Variants in CTNNA3 observed in about 807,000 individuals in gnomAD.
CTNNA3 encodes the protein catenin alpha 3.
Under a neutral mutation model 95.7 loss-of-function variants are expected in CTNNA3, and 76 were observed. The ratio of observed to expected loss-of-function variants is 0.79; its 90% confidence interval spans 0.66 to 0.96. The LOEUF is 0.96. Ranked by LOEUF, CTNNA3 falls within the 40% of genes least tolerant of loss-of-function variation. The pLI, the probability that CTNNA3 is intolerant of heterozygous loss-of-function variation, is 0.00. For missense variants in CTNNA3, 1,191 were observed against 1,089.8 expected (o/e 1.09, Z -1.31); for synonymous variants, 431 against 374.4 (o/e 1.15, Z -1.74).
chr10:67,561,125 G>A (rs1284020194), intron 3 of CTNNA3, among the ~76,000 whole-genome samples: 1 of 146,138 alleles, frequency 6.8e-6, no homozygotes, highest in Admixed American at 6.7e-5. Context: ...ACTCAGCTCT[G>A]CATCAAGTGG....
At chr10:66,351,810 A>G (rs2092569104) in intron 12 of CTNNA3, among the ~76,000 whole-genome samples, 1 of 152,012 alleles carries the variant, frequency 6.6e-6, no homozygotes, top group Non-Finnish European at 1.5e-5. Flanking sequence ...GATCTCTCAT[A>G]TACAATTCTG....
chr10:67,561,677 C>A (rs569410207), intron 3 of CTNNA3, among the ~76,000 whole-genome samples: 105 of 151,222 alleles, frequency 6.9e-4, no homozygotes, highest in Admixed American at 5.0e-3. Context: ...AAAAACCCTG[C>A]AAAACAATCA....
chr10:65,948,148 G>A (rs1424722302), intron 17 of CTNNA3, among the ~76,000 whole-genome samples: 1 of 152,006 alleles, frequency 6.6e-6, no homozygotes, highest in African/African-American at 2.4e-5. Flanking sequence ...GGGCGTGGTG[G>A]TGGGCGCCTG....
intron 5 of CTNNA3, among the ~76,000 whole-genome samples, chr10:67,221,948 G>C (rs916091202): frequency 2.0e-5 from 3 of 152,120 alleles, no homozygotes; most frequent in Admixed American, 2.0e-4. Flanking sequence ...AATAGTCTTT[G>C]AGGGAATGAG....
chr10:67,062,429 C>G (rs537456300), intron 7 of CTNNA3, among the ~76,000 whole-genome samples: 1 of 152,254 alleles, frequency 6.6e-6, no homozygotes, highest in East Asian at 1.9e-4. Context: ...TTAGCATTAT[C>G]TCTTAAGTAT....
At chr10:66,663,455 G>T (rs1846332577) in intron 9 of CTNNA3, among the ~76,000 whole-genome samples, 1 of 127,022 alleles carries the variant, frequency 7.9e-6, no homozygotes, top group South Asian at 2.8e-4. Flanking sequence ...CACTTAAAAA[G>T]GTTTTTGCCT....
chr10:66,787,240 G>A (rs1342883170), intron 7 of CTNNA3, among the ~76,000 whole-genome samples: 1 of 151,588 alleles, frequency 6.6e-6, no homozygotes, highest in South Asian at 2.1e-4. Context: ...AAACAGATGT[G>A]TTGATGTCTC....
chr10:66,837,473 G>C (rs1285883446), intron 7 of CTNNA3: 1 of 152,090 alleles, frequency 6.6e-6, no homozygotes, highest in East Asian at 1.9e-4. Context: ...TTAACCTACA[G>C]AGAGTTCACT....
chr10:66,212,967 G>T (rs2088267695), intron 13 of CTNNA3, among the ~76,000 whole-genome samples: 1 of 152,170 alleles, frequency 6.6e-6, no homozygotes, highest in South Asian at 2.1e-4. Flanking sequence ...AGTGAGCCAA[G>T]ATCATGCCAC....
At chr10:67,315,102 T>A (rs959179198) in intron 5 of CTNNA3, among the ~76,000 whole-genome samples, 1 of 152,226 alleles carries the variant, frequency 6.6e-6, no homozygotes, top group Non-Finnish European at 1.5e-5. Context: ...TCCTCAGACC[T>A]TTTCTTTTCT....
chr10:67,333,981 T>C (rs1180047840), intron 5 of CTNNA3: 1 of 152,204 alleles, frequency 6.6e-6, no homozygotes, highest in Non-Finnish European at 1.5e-5. Context: ...ACATATGCAA[T>C]ATATTTTCCT....
chr10:67,587,506 G>T (rs899814805), intron 3 of CTNNA3, among the ~76,000 whole-genome samples: 9 of 152,060 alleles, frequency 5.9e-5, no homozygotes, highest in Non-Finnish European at 1.3e-4. Context: ...GCTGATAGTT[G>T]ATTTCTTTCA....
intron 12 of CTNNA3, among the ~76,000 whole-genome samples, chr10:66,286,750 G>A (rs1250618164): frequency 4.0e-5 from 6 of 151,782 alleles, no homozygotes; most frequent in Non-Finnish European, 7.4e-5. Context: ...ATATTGCTGG[G>A]GATTCCTTGG....
intron 13 of CTNNA3, among the ~76,000 whole-genome samples, chr10:66,250,444 C>G (rs1345604030): frequency 6.6e-6 from 1 of 151,978 alleles, no homozygotes; most frequent in Admixed American, 6.6e-5. Context: ...TTTATGACAC[C>G]AAGGATAAAT....
Position 66,189,618 on chromosome 10 carries a change from A to ATATATATATATATATATATG in CTNNA3, c.1885-86370_1885-86369insCATATATATATATATATATA, listed in dbSNP as rs199807873. Among the ~76,000 whole-genome samples the ATATATATATATATATATATG allele has an allele frequency of 3.9e-3, 228 of 58,478 alleles. 1 individual carries two copies. The highest frequency in any genetic ancestry group is 0.011 in the African/African-American group (214 of 18,668). The allele number at this position is 58,478 out of a possible 152,430, so 38.4% of individuals were successfully genotyped here. A position where few individuals can be genotyped will look rare whatever the true frequency, so the allele number is the denominator to read the frequency against. Reference sequence around the variant, plus strand: ...TATAGATTTATATATATATATATATACACACATACACACACATATACATAT... The same window carrying ATATATATATATATATATATG: ...TATAGATTTATATATATATATATATATATATATATATATATATATGCACACATACACACACATATACATAT... On this transcript the variant is annotated intron_variant, in intron 13 of 17. Coordinates refer to ENST00000433211, the MANE Select transcript of CTNNA3 (RefSeq NM_013266.4).
chr10:66,606,995 G>A (rs1844145961), intron 10 of CTNNA3, among the ~76,000 whole-genome samples: 2 of 151,938 alleles, frequency 1.3e-5, no homozygotes, highest in African/African-American at 4.8e-5. Flanking sequence ...CCAGGAGTTG[G>A]TTTTTTGAAA....
At chr10:67,597,470 G>A (rs1288589905) in intron 3 of CTNNA3, among the ~76,000 whole-genome samples, 2 of 152,128 alleles carry the variant, frequency 1.3e-5, no homozygotes, top group Non-Finnish European at 2.9e-5. Context: ...TTGGTGGTTT[G>A]ACTGTGGTAT....
At chr10:67,699,959 C>T (rs1219885419), upstream of CTNNA3, among the ~76,000 whole-genome samples, 2 of 152,236 alleles carry the variant, frequency 1.3e-5, no homozygotes, top group Non-Finnish European at 2.9e-5. Context: ...AGACAGCGCA[C>T]CAGGAGATTA....
intron 5 of CTNNA3, among the ~76,000 whole-genome samples, chr10:67,436,403 T>A (rs781457273): frequency 2.0e-5 from 3 of 152,152 alleles, no homozygotes; most frequent in Non-Finnish European, 4.4e-5. Context: ...CTTCTAGACA[T>A]TGGCTTAGGC....
Sources: gnomAD v4.1 joint callset for allele counts (sites outside exome capture counted in the v4.1 genomes callset) on GRCh38, gnomAD v4.1.1 for gene constraint, MANE v1.5 for transcripts, NCBI Gene and HGNC (gene_info 2026-07-23, HGNC 2026-07-21) for gene names.